Variants in FAM200B observed in about 807,000 individuals in gnomAD.
FAM200B encodes zinc finger BED-type containing 11.
Under a neutral mutation model 33.1 loss-of-function variants are expected in FAM200B, and 32 were observed. The observed-to-expected ratio is 0.97, with a 90% confidence interval of 0.73 to 1.30. The LOEUF (loss-of-function observed/expected upper bound fraction) is 1.30, where lower values mean the gene tolerates loss of function less well. FAM200B is among the 50% of genes most tolerant of loss of function. The pLI, the probability that FAM200B is intolerant of heterozygous loss-of-function variation, is 0.00. For missense variants in FAM200B, 741 were observed against 754.0 expected (o/e 0.98, Z 0.20); for synonymous variants, 240 against 264.8 (o/e 0.91, Z 0.91).
At position 15,690,409 on chromosome 4, in the gene FAM200B, CTTTTTT is replaced by C; in HGVS notation, c.*1462_*1467del. The C allele has an allele frequency of 6.1e-6, 1 of 163,340 alleles. No homozygotes were observed. The highest frequency in any genetic ancestry group is 2.4e-5 in the African/African-American group (1 of 41,070). The allele number at this position is 163,340 out of a possible 1,614,324, so 10.1% of individuals were successfully genotyped here. On this transcript the variant is annotated 3_prime_UTR_variant, in exon 2 of 2. Transcript: ENST00000422728. ...TTCTATTGAAGGTAATTGATTTTTT[CTTTTTT>C]TTTAATGCTTGAAATAAAGTGTTGA... is the stretch of plus-strand genomic sequence containing the variant.
the FAM200B span, among the ~76,000 whole-genome samples, chr4:15,665,561 A>T: frequency 6.6e-6 from 1 of 152,136 alleles, no homozygotes; most frequent in East Asian, 1.9e-4. Context: ...TTCAAATATA[A>T]CCCAAGTTTA....
At chr4:15,644,856 A>G in the FAM200B span, 1 of 629,490 alleles carries the variant, frequency 1.6e-6, no homozygotes, top group Non-Finnish European at 2.7e-6. Context: ...TTCATAAATT[A>G]ACAAGTTATA....
rs1719075334 is a variant in FAM200B, at chr4:15,688,249, T to A, written c.1272T>A (p.Thr424=). Residue 424 remains threonine (T), a synonymous_variant, in exon 2 of 2, where the codon ACT becomes ACA. Transcript: ENST00000422728. ...TGGCAAGTATTTTTGAAGATGATACTTGGGTAACAAAATTGGCATATTTAA... is the reference window on the plus strand; with the variant it reads ...TGGCAAGTATTTTTGAAGATGATACATGGGTAACAAAATTGGCATATTTAA... ...SHLASIFEDD[T]WVTKLAYLTD... 2 of 1,549,574 alleles carry A rather than the reference T, an allele frequency of 1.3e-6. No homozygotes were observed. The highest frequency in any genetic ancestry group is 1.2e-5 in the South Asian group (1 of 83,862).
At chr4:15,677,722 C>T (rs186483081), upstream of FAM200B, among the ~76,000 whole-genome samples, 16 of 152,228 alleles carry the variant, frequency 1.1e-4, no homozygotes, top group East Asian at 2.9e-3. Flanking sequence ...TTTGGCTGTT[C>T]CCAAGTTGTA....
chr4:15,646,340 G>A, the FAM200B span, among the ~76,000 whole-genome samples: 2 of 150,434 alleles, frequency 1.3e-5, no homozygotes, highest in African/African-American at 4.9e-5. Context: ...ACACAGGCAG[G>A]ACATACTTGG....
chr4:15,678,944 T>A (rs1344637609), upstream of FAM200B, among the ~76,000 whole-genome samples: 1 of 152,198 alleles, frequency 6.6e-6, no homozygotes, highest in Non-Finnish European at 1.5e-5. Flanking sequence ...AAAAAACTTT[T>A]ACTGGTCAGC....
the FAM200B span, chr4:15,656,331 G>A: frequency 2.2e-6 from 1 of 456,224 alleles, no homozygotes. Context: ...AGATTGGTTG[G>A]CTGGAGTACT....
the FAM200B span, among the ~76,000 whole-genome samples, chr4:15,663,128 T>C: frequency 6.6e-6 from 1 of 152,364 alleles, no homozygotes; most frequent in South Asian, 2.1e-4. Flanking sequence ...GCCAGTCTTT[T>C]ACTGAAAATT....
upstream of FAM200B, among the ~76,000 whole-genome samples, chr4:15,681,098 A>T (rs369837482): frequency 2.4e-4 from 36 of 152,134 alleles, no homozygotes; most frequent in South Asian, 6.8e-3. Flanking sequence ...ATATACATAC[A>T]TATTTAAATC....
the FAM200B span, among the ~76,000 whole-genome samples, chr4:15,655,808 C>G: frequency 1.3e-5 from 2 of 152,210 alleles, no homozygotes; most frequent in Non-Finnish European, 2.9e-5. Flanking sequence ...TGCCCTTCGC[C>G]TCCCTGCGAT....
At chr4:15,652,598 T>C in the FAM200B span, among the ~76,000 whole-genome samples, 1 of 152,220 alleles carries the variant, frequency 6.6e-6, no homozygotes, top group East Asian at 1.9e-4. Context: ...GAAAATTTAT[T>C]TTCTCATCCT....
chr4:15,667,257 G>A, the FAM200B span, among the ~76,000 whole-genome samples: 1 of 152,246 alleles, frequency 6.6e-6, no homozygotes, highest in South Asian at 2.1e-4. Context: ...GGCAGTCCAT[G>A]AGAAAACATG....
intron 1 of FAM200B, among the ~76,000 whole-genome samples, chr4:15,685,896 G>A (rs1185255249): frequency 2.6e-5 from 4 of 152,162 alleles, no homozygotes. Context: ...ACCAAGGCAG[G>A]CATGACCAAG....
chr4:15,684,336 A>G (rs182046875), intron 1 of FAM200B, among the ~76,000 whole-genome samples: 8 of 152,354 alleles, frequency 5.3e-5, no homozygotes, highest in Non-Finnish European at 7.4e-5. Flanking sequence ...CTCAGGTTTG[A>G]ACTTCTCCCC....
At chr4:15,655,237 C>T in the FAM200B span, 12 of 1,441,452 alleles carry the variant, frequency 8.3e-6, no homozygotes, top group South Asian at 1.3e-5. Flanking sequence ...GCTGCTTCAT[C>T]CGCCAGTGTG....
the FAM200B span, among the ~76,000 whole-genome samples, chr4:15,649,440 G>A: frequency 4.0e-5 from 6 of 151,798 alleles, no homozygotes; most frequent in African/African-American, 9.7e-5. Context: ...TTAGTTGGGC[G>A]TGGTTAGCAC....
upstream of FAM200B, among the ~76,000 whole-genome samples, chr4:15,678,875 T>C (rs376372308): frequency 6.6e-5 from 10 of 152,206 alleles, no homozygotes; most frequent in East Asian, 1.9e-3. Context: ...CTCACTCTAC[T>C]GTTGGTTCAT....
chr4:15,650,661 C>CTTTTT, the FAM200B span, among the ~76,000 whole-genome samples: 24 of 77,906 alleles, frequency 3.1e-4, no homozygotes, highest in African/African-American at 8.1e-4. Flanking sequence ...AACTGACTTT[C>CTTTTT]TTTTTTTTTT....
the FAM200B span, among the ~76,000 whole-genome samples, chr4:15,670,313 T>TA: frequency 4.3e-4 from 65 of 152,250 alleles, no homozygotes; most frequent in Non-Finnish European, 8.4e-4. Context: ...GTATGATAGA[T>TA]ACGTTTAACT....
Sources: gnomAD v4.1 joint callset for allele counts (sites outside exome capture counted in the v4.1 genomes callset) on GRCh38, gnomAD v4.1.1 for gene constraint, MANE v1.5 for transcripts, NCBI Gene and HGNC (gene_info 2026-07-23, HGNC 2026-07-21) for gene names.